Variants in BOLL observed in about 807,000 individuals in gnomAD.
BOLL encodes the protein boule RNA binding protein.
BOLL carries 23 observed loss-of-function variants against 44.4 expected under a neutral mutation model. That is an observed-to-expected ratio of 0.52 (90% CI 0.37 to 0.73). The LOEUF is 0.73. BOLL is among the 30% of genes least tolerant of loss of function. The probability of loss-of-function intolerance (pLI) is 0.00; values close to 1 mark genes in which losing one functional copy is unlikely to be tolerated. For synonymous variants in BOLL, 97 were observed against 110.8 expected, an observed-to-expected ratio of 0.88 and a Z score of 0.78; for missense variants, 287 against 338.3, an observed-to-expected ratio of 0.85 and a Z score of 1.19.
upstream of BOLL, chr2:197,785,432 T>G: frequency 1.0e-6 from 1 of 960,814 alleles, no homozygotes; most frequent in Non-Finnish European, 1.2e-6. This position sits in a 1 kb window ranked among gnomAD's most constrained non-coding sequence, Gnocchi z 6.7. Flanking sequence ...CCTCCTTCAC[T>G]TCCCCAAGTC....
intron 10 of BOLL, among the ~76,000 whole-genome samples, chr2:197,729,685 AC>A (rs942309783): frequency 3.2e-4 from 49 of 152,136 alleles, no homozygotes; most frequent in South Asian, 6.2e-4. Context: ...ACTGGGAGGC[AC>A]CCCCCACCAG....
intron 7 of BOLL, among the ~76,000 whole-genome samples, chr2:197,763,278 C>G (rs183133557): frequency 8.5e-4 from 130 of 152,064 alleles, no homozygotes; most frequent in African/African-American, 3.0e-3. Context: ...GTCAGGAGAT[C>G]GAGACCATCC....
chr2:197,764,158 A>G (rs1312455684), intron 7 of BOLL, among the ~76,000 whole-genome samples: 1 of 152,184 alleles, frequency 6.6e-6, no homozygotes, highest in Non-Finnish European at 1.5e-5. Context: ...AAATAGAACT[A>G]CCATATGATC....
At chr2:197,743,904 G>A (rs976173636) in intron 9 of BOLL, among the ~76,000 whole-genome samples, 11 of 150,154 alleles carry the variant, frequency 7.3e-5, no homozygotes, top group East Asian at 3.9e-4. Context: ...TCCACCTCCC[G>A]GCTTCACACC....
At chr2:197,768,219 G>A (rs779051666) in intron 6 of BOLL, among the ~76,000 whole-genome samples, 1 of 151,858 alleles carries the variant, frequency 6.6e-6, no homozygotes, top group Non-Finnish European at 1.5e-5. Flanking sequence ...ACTTTTTTAT[G>A]GATAGAAGTA....
Position 197,741,315 on chromosome 2 carries a change from G to A in BOLL, c.828+1746C>T, listed in dbSNP as rs144927054. Among the ~76,000 whole-genome samples the A allele has an allele frequency of 6.1e-3, 925 of 152,140 alleles. 17 individuals carry two copies. Among genetic ancestry groups the A allele is most frequent in the African/African-American group, 0.021 (863 of 41,518 alleles). ...ATTGGTGTATAAGAATACTTGTGATGTTTGTACATTGATTTTGTATCCTGA... is the reference window on the plus strand; with the variant it reads ...ATTGGTGTATAAGAATACTTGTGATATTTGTACATTGATTTTGTATCCTGA... On this transcript the variant is annotated intron_variant, in intron 10 of 10. Coordinates refer to ENST00000392296, the MANE Select transcript of BOLL (RefSeq NM_033030.6).
intron 6 of BOLL, among the ~76,000 whole-genome samples, chr2:197,769,519 A>G (rs1267728244): frequency 1.3e-5 from 2 of 152,102 alleles, no homozygotes; most frequent in Non-Finnish European, 2.9e-5. Flanking sequence ...GGCAGGAGAA[A>G]GAAATAAAGG....
chr2:197,728,450 T>A lies in BOLL; in HGVS notation c.*105A>T, dbSNP rs763468374. 5.1e-6 allele frequency: 8 copies of A among 1,566,716 alleles called. No individual in the cohort carries two copies. The African/African-American group carries it at 1.1e-4, about 21-fold the overall frequency. On this transcript the variant is annotated 3_prime_UTR_variant, in exon 11 of 11. Coordinates refer to ENST00000392296, the MANE Select transcript of BOLL (RefSeq NM_033030.6). ...GGTGAGGTATTAACTAACACTAAGT[T>A]TCACAACGGGCAGCTTCTAGCTGGT... is the stretch of plus-strand genomic sequence containing the variant.
At chr2:197,742,702 A>G (rs893123130) in intron 10 of BOLL, among the ~76,000 whole-genome samples, 1 of 152,128 alleles carries the variant, frequency 6.6e-6, no homozygotes, top group Non-Finnish European at 1.5e-5. Flanking sequence ...ATTAGGAGAT[A>G]TGCCTAATGC....
chr2:197,778,805 T>TACACAC lies in BOLL; in HGVS notation c.221+164_221+169dup, dbSNP rs71964015. ...ATTACAGTGTCTCCTCCCTCCAAAA[T>TACACAC]ACACACACACACACACACACACACA... On this transcript the variant is annotated intron_variant, in intron 3 of 10. Coordinates refer to ENST00000392296, the MANE Select transcript of BOLL (RefSeq NM_033030.6). Among the ~76,000 whole-genome samples, 1,042 of 143,550 alleles carry TACACAC rather than the reference T, an allele frequency of 7.3e-3. 7 individuals carry two copies. The highest frequency in any genetic ancestry group is 0.025 in the African/African-American group (984 of 39,600). 94.2% of individuals were successfully genotyped at this position (143,550 alleles called of 152,430 possible).
chr2:197,760,623 G>T (rs1385437851), intron 7 of BOLL, among the ~76,000 whole-genome samples: 1 of 152,174 alleles, frequency 6.6e-6, no homozygotes, highest in Non-Finnish European at 1.5e-5. Flanking sequence ...CCCACCCCTG[G>T]CAAAGCCCTA....
At chr2:197,762,858 G>C (rs1416541092) in intron 7 of BOLL, among the ~76,000 whole-genome samples, 3 of 152,004 alleles carry the variant, frequency 2.0e-5, no homozygotes, top group Non-Finnish European at 4.4e-5. Flanking sequence ...AAAATTAGTA[G>C]AAGAAAAGAA....
chr2:197,743,962 A>T (rs183775013), intron 9 of BOLL, among the ~76,000 whole-genome samples: 129 of 152,016 alleles, frequency 8.5e-4, no homozygotes, highest in African/African-American at 3.0e-3. Context: ...AGGTGCCGCC[A>T]CTACACCCGG....
chr2:197,730,688 C>T (rs926386463), intron 10 of BOLL, among the ~76,000 whole-genome samples: 1 of 149,962 alleles, frequency 6.7e-6, no homozygotes, highest in East Asian at 2.0e-4. Flanking sequence ...AATTTTCAAC[C>T]CAGAATTTCA....
At chr2:197,736,418 A>G (rs1687489972) in intron 10 of BOLL, among the ~76,000 whole-genome samples, 1 of 152,088 alleles carries the variant, frequency 6.6e-6, no homozygotes, top group African/African-American at 2.4e-5. Context: ...GAAAAAGAAC[A>G]TAAGTGAAAA....
intron 10 of BOLL, among the ~76,000 whole-genome samples, chr2:197,735,454 A>T (rs189215204): frequency 2.0e-5 from 3 of 151,926 alleles, no homozygotes; most frequent in Non-Finnish European, 4.4e-5. Flanking sequence ...GTCTTTTTTG[A>T]TTCTACGTTC....
At chr2:197,753,616 C>A (rs1231603467) in intron 9 of BOLL, among the ~76,000 whole-genome samples, 2 of 152,124 alleles carry the variant, frequency 1.3e-5, no homozygotes, top group Non-Finnish European at 2.9e-5. Flanking sequence ...GAATGGCGAT[C>A]ACTAAAAAGT....
chr2:197,741,336 C>A (rs1340843124), intron 10 of BOLL, among the ~76,000 whole-genome samples: 1 of 151,994 alleles, frequency 6.6e-6, no homozygotes, highest in Non-Finnish European at 1.5e-5. Context: ...GATTTTGTAT[C>A]CTGAGACTTT....
Position 197,728,091 on chromosome 2 carries a change from ATAC to A in BOLL, c.*461_*463del, listed in dbSNP as rs1686927112. On this transcript the variant is annotated 3_prime_UTR_variant, in exon 11 of 11. Transcript: ENST00000392296. ...AGAATTGTCATTAATATTAAATAGT[ATAC>A]TGTTGTAAAATATATGAAAGTATTA... The A allele has an allele frequency of 6.0e-6, 1 of 167,364 alleles. No homozygotes were observed. Among genetic ancestry groups the A allele is most frequent in the African/African-American group, 2.4e-5 (1 of 42,092 alleles). 10.4% of individuals were successfully genotyped at this position (167,364 alleles called of 1,614,324 possible).
Sources: gnomAD v4.1 joint callset for allele counts (sites outside exome capture counted in the v4.1 genomes callset) on GRCh38, gnomAD v4.1.1 for gene constraint, Gnocchi (gnomAD v3.1) non-coding constraint, MANE v1.5 for transcripts, NCBI Gene and HGNC (gene_info 2026-07-23, HGNC 2026-07-21) for gene names.